The following LAMA5 variants were observed in gnomAD, a reference collection of about 807,000 sequenced individuals.
LAMA5 encodes the protein laminin subunit alpha 5, also known as laminin subunit alpha-5.
LAMA5 carries 260 observed loss-of-function variants against 433.4 expected under a neutral mutation model. That is an observed-to-expected ratio of 0.60 (90% CI 0.54 to 0.66). LAMA5 has a LOEUF of 0.66. Ranked by LOEUF, LAMA5 falls within the 30% of genes least tolerant of loss-of-function variation. The probability of loss-of-function intolerance (pLI) is 0.00; values close to 1 mark genes in which losing one functional copy is unlikely to be tolerated. For missense variants in LAMA5, 5,378 were observed against 5,258.5 expected (o/e 1.02, Z -0.70); for synonymous variants, 2,620 against 2,226.6 (o/e 1.18, Z -4.97).
chr20:62,327,756 C>T lies in LAMA5; in HGVS notation c.4798-87G>A, dbSNP rs1979569220. On this transcript the variant is annotated intron_variant, in intron 36 of 79. Transcript: ENST00000252999. ...GGTACCCACCTGCCAATGGGGATGACTCTCCCAAAAGCTTCTAGGAAGCCC... is the reference window on the plus strand; with the variant it reads ...GGTACCCACCTGCCAATGGGGATGATTCTCCCAAAAGCTTCTAGGAAGCCC... 2.5e-6 allele frequency: 4 copies of T among 1,584,988 alleles called. No homozygotes were observed. The South Asian group carries it at 4.6e-5, about 18-fold the overall frequency.
rs551318267 is a variant in LAMA5, at chr20:62,358,183, G to C, written c.450+4217C>G. ...GCCACCAAGGGCAAGCATGGCGCGGGGGTGCGGGGAGAGGAGCGGCCCCAT... is the reference window on the plus strand; with the variant it reads ...GCCACCAAGGGCAAGCATGGCGCGGCGGTGCGGGGAGAGGAGCGGCCCCAT... On this transcript the variant is annotated intron_variant, in intron 2 of 79. Transcript: ENST00000252999. 1.0e-3 allele frequency among the ~76,000 whole-genome samples: 155 copies of C among 152,314 alleles called. 1 individual carries two copies. In the Middle Eastern group the frequency reaches 0.031, roughly 30 times the overall value.
At position 62,324,266 on chromosome 20, in the gene LAMA5, C is replaced by G; in HGVS notation, c.5644-62G>C. The G allele has an allele frequency of 6.4e-7, 1 of 1,558,268 alleles. No individual in the cohort carries two copies. Among genetic ancestry groups the G allele is most frequent in the Non-Finnish European group, 8.6e-7 (1 of 1,157,580 alleles). On this transcript the variant is annotated intron_variant, in intron 42 of 79. Coordinates refer to ENST00000252999, the MANE Select transcript of LAMA5 (RefSeq NM_005560.6). This position sits in a 1 kb window ranked among gnomAD's most constrained non-coding sequence, Gnocchi z 4.4. ...CCCACATCCTACTGCCGAGTCTGTG[C>G]AGCTCCCACCACCCCTGCCTCAGAC...
intron 62 of LAMA5, among the ~76,000 whole-genome samples, chr20:62,314,022 CGG>C (rs1481473738): frequency 1.4e-5 from 1 of 72,152 alleles, no homozygotes; most frequent in Non-Finnish European, 2.5e-5. Context: ...CGAGTGGGCA[CGG>C]AGAGACGAGG....
In LAMA5 at chr20:62,324,090, G is replaced by A. The variant is rs779346891; in HGVS notation, c.5758C>T (p.Pro1920Ser). ...AGGAGGCTGGCTTACTTGTTGGAAG[G>A]CACTGAGAGGGGGCAGGGGCAGCTG... ...CVSCPCPLSV[P>S]SNNFAEGCVL... The change falls in exon 43 of 80, where the codon CCT becomes TCT. Residue 1920 changes from proline to serine, a missense_variant. Pro to Ser is a moderately conservative substitution (Grantham distance 74). Transcript: ENST00000252999. The surrounding 1 kb of genome is among the most constrained non-coding windows in gnomAD (Gnocchi z 4.4). The A allele has an allele frequency of 6.6e-6, 10 of 1,514,102 alleles. No individual in the cohort carries two copies. The Admixed American group carries it at 1.2e-4, about 18-fold the overall frequency. 93.8% of individuals were successfully genotyped at this position (1,514,102 alleles called of 1,614,324 possible). A position where few individuals can be genotyped will look rare whatever the true frequency, so the allele number is the denominator to read the frequency against.
rs529791515 is a variant in LAMA5 at position 62,351,585 on chromosome 20, G to T, written c.956+119C>A. ...TCAGTGCAGGTCACACAGACAGCAG[G>T]GTTGTGGTGGGCCATGGAACCAGGT... On this transcript the variant is annotated intron_variant, in intron 6 of 79. Coordinates refer to ENST00000252999, the MANE Select transcript of LAMA5 (RefSeq NM_005560.6). 9 of 877,886 alleles carry T rather than the reference G, an allele frequency of 1.0e-5. No homozygotes were observed. In the African/African-American group the frequency reaches 1.3e-4, roughly 13 times the overall value. 54.4% of individuals were successfully genotyped at this position (877,886 alleles called of 1,614,324 possible).
At chr20:62,330,203 T>C (rs769109990) in intron 31 of LAMA5, among the ~76,000 whole-genome samples, 3 of 152,236 alleles carry the variant, frequency 2.0e-5, no homozygotes, top group Non-Finnish European at 4.4e-5. Flanking sequence ...CAGGGCCACA[T>C]GTGCTGCCAG....
intron 48 of LAMA5, among the ~76,000 whole-genome samples, chr20:62,321,726 T>TGGAGGTGTGGGGC: frequency 1.6e-5 from 1 of 63,852 alleles, no homozygotes; most frequent in Middle Eastern, 6.9e-3. Flanking sequence ...AGGGGTGGGG[T>TGGAGGTGTGGGGC]CAGTGGAGGG....
At position 62,313,465 on chromosome 20, in the gene LAMA5, G is replaced by A; in HGVS notation, c.8659-5C>T. ...GAAGCGAAGCAGGGGAGGGGGCTGTGGGCACAGGGCTGGGTCAGGGCACCT... is the reference window on the plus strand; with the variant it reads ...GAAGCGAAGCAGGGGAGGGGGCTGTAGGCACAGGGCTGGGTCAGGGCACCT... On this transcript the variant is annotated splice_polypyrimidine_tract_variant and splice_region_variant and intron_variant, in intron 63 of 79. Transcript: ENST00000252999. The A allele has an allele frequency of 3.1e-6, 5 of 1,599,772 alleles. No individual in the cohort carries two copies. In the Admixed American group the frequency reaches 8.5e-5, roughly 27 times the overall value.
chr20:62,309,668 C>G (rs1409649494), intron 79 of LAMA5, 48 bp downstream of exon 79: 3 of 742,462 alleles, frequency 4.0e-6, no homozygotes, highest in South Asian at 2.4e-5. Context: ...TACGCAGCAC[C>G]TAGTCCTGAG....
intron 3 of LAMA5, among the ~76,000 whole-genome samples, chr20:62,352,829 G>A (rs1041008752): frequency 2.6e-5 from 4 of 152,156 alleles, no homozygotes; most frequent in African/African-American, 9.7e-5. Context: ...AGGTGAGGTG[G>A]GAGCTGCCAG....
In LAMA5 at chr20:62,324,868, T is replaced by C. The variant is rs1261086532; in HGVS notation, c.5530-314A>G. 1.2e-5 allele frequency: 5 copies of C among 425,332 alleles called. No homozygotes were observed. The Admixed American group carries it at 1.9e-4, about 16-fold the overall frequency. 26.3% of individuals were successfully genotyped at this position (425,332 alleles called of 1,614,324 possible). A position where few individuals can be genotyped will look rare whatever the true frequency, so the allele number is the denominator to read the frequency against. On this transcript the variant is annotated intron_variant, in intron 41 of 79. Transcript: ENST00000252999. The surrounding 1 kb of genome is among the most constrained non-coding windows in gnomAD (Gnocchi z 4.4). ...CAGGGCCTACTCTTTCCACTCCTTC[T>C]AGGAGGTATTCAACCACAAACCTCC...
At chr20:62,348,463 C>T (rs7267196) in intron 6 of LAMA5, among the ~76,000 whole-genome samples, 2,986 of 151,956 alleles carry the variant, frequency 0.02, 78 homozygotes, top group African/African-American at 0.069. Context: ...AAAAATTAGC[C>T]GGGTGTGGTG....
chr20:62,327,555 G>A lies in LAMA5; in HGVS notation c.4912C>T (p.Arg1638Trp), dbSNP rs761794524. 2.5e-5 allele frequency: 41 copies of A among 1,612,716 alleles called. No homozygotes were observed. The highest frequency in any genetic ancestry group is 6.7e-5 in the Admixed American group (4 of 60,006). The stretch of plus-strand genomic sequence containing the variant: ...TCCTGGCGGGTGTAGGACGAGCTCC[G>A]GCAGCGCTCCGTGGCCCCAAAGCAG... ...CFCFGATERC[R>W]SSSYTRQEFV... is the part of the protein sequence containing the mutation. The change falls in exon 37 of 80, where the codon CGG becomes TGG. Residue 1638 changes from arginine to tryptophan, a missense_variant. Transcript: ENST00000252999.
intron 11 of LAMA5, among the ~76,000 whole-genome samples, chr20:62,345,021 T>C (rs1456422761): frequency 6.6e-6 from 1 of 152,020 alleles, no homozygotes; most frequent in Admixed American, 6.6e-5. Flanking sequence ...ACTTTTTGTT[T>C]TTGTTTTTCT....
At position 62,319,018 on chromosome 20, in the gene LAMA5, G is replaced by A. The variant is rs763833582; in HGVS notation, c.6872-5C>T. The A allele has an allele frequency of 5.8e-6, 9 of 1,564,066 alleles. No individual in the cohort carries two copies. Among genetic ancestry groups the A allele is most frequent in the South Asian group, 1.2e-5 (1 of 85,902 alleles). On this transcript the variant is annotated splice_region_variant and splice_polypyrimidine_tract_variant and intron_variant, in intron 51 of 79. Coordinates refer to ENST00000252999, the MANE Select transcript of LAMA5 (RefSeq NM_005560.6). The stretch of plus-strand genomic sequence containing the variant: ...GGCCCGTCTGGGACATGAGCTCTGT[G>A]GGGCAGGGGTTCGTCAGAGCCTGGG...
At chr20:62,316,289 C>G (rs546424572) in intron 57 of LAMA5, 5 of 582,886 alleles carry the variant, frequency 8.6e-6, no homozygotes, top group Non-Finnish European at 1.5e-5. Flanking sequence ...CCCCATTGTA[C>G]AGATGAAACA....
At chr20:62,330,342 G>T in intron 31 of LAMA5, 146 bp downstream of exon 31, 1 of 1,216,882 alleles carries the variant, frequency 8.2e-7, no homozygotes, top group Non-Finnish European at 1.1e-6. Flanking sequence ...GCTGCGGGCT[G>T]CAAGGGCAGC....
rs191313800 is a variant in LAMA5 at position 62,336,311 on chromosome 20, T to C, written c.2323+29A>G. Reference sequence around the variant, plus strand: ...TGGGCACAGTTCCCCAAGGAACCCCTGTACCCCAATACTCCAGGGCACACT... The same window carrying C: ...TGGGCACAGTTCCCCAAGGAACCCCCGTACCCCAATACTCCAGGGCACACT... On this transcript the variant is annotated intron_variant, in intron 18 of 79. Coordinates refer to ENST00000252999, the MANE Select transcript of LAMA5 (RefSeq NM_005560.6). The C allele has an allele frequency of 2.3e-3, 3,509 of 1,501,568 alleles. 34 individuals are homozygous for C. Among genetic ancestry groups the C allele is most frequent in the Non-Finnish European group, 1.5e-3 (1,627 of 1,096,574 alleles). 93.0% of individuals were successfully genotyped at this position (1,501,568 alleles called of 1,614,324 possible).
chr20:62,327,751 G>C, intron 36 of LAMA5, 82 bp from the exon 37 acceptor site: 1 of 1,586,522 alleles, frequency 6.3e-7, no homozygotes, highest in South Asian at 1.1e-5. Flanking sequence ...TGCCAATGGG[G>C]ATGACTCTCC....
Sources: gnomAD v4.1 joint callset for allele counts (sites outside exome capture counted in the v4.1 genomes callset) on GRCh38, gnomAD v4.1.1 for gene constraint, Gnocchi (gnomAD v3.1) non-coding constraint, MANE v1.5 for transcripts, NCBI Gene and HGNC (gene_info 2026-07-23, HGNC 2026-07-21) for gene names.